CA10: variants seen among roughly 807,000 people sequenced by gnomAD.
CA10 encodes the protein carbonic anhydrase-related protein 10.
CA10 carries 14 observed loss-of-function variants against 44.2 expected under a neutral mutation model. The ratio of observed to expected loss-of-function variants is 0.32; its 90% CI spans 0.21 to 0.50. The LOEUF (loss-of-function observed/expected upper bound fraction) is 0.50, where lower values mean the gene tolerates loss of function less well. Among genes scored for constraint, CA10 ranks in the 20% least tolerant of loss-of-function variants. The probability of loss-of-function intolerance (pLI) is 0.99; values close to 1 mark genes in which losing one functional copy is unlikely to be tolerated. For missense variants in CA10, 350 were observed against 409.7 expected (o/e 0.85, Z 1.26); for synonymous variants, 159 against 141.6 (o/e 1.12, Z -0.87).
intron 2 of CA10, among the ~76,000 whole-genome samples, chr17:52,054,656 A>G (rs1246222104): frequency 6.6e-6 from 1 of 152,014 alleles, no homozygotes; most frequent in Non-Finnish European, 1.5e-5. Context: ...TCTCCCCCAG[A>G]CACCCAGCTT....
chr17:52,132,130 A>C (rs959276141), intron 1 of CA10, among the ~76,000 whole-genome samples: 12 of 152,096 alleles, frequency 7.9e-5, no homozygotes, highest in Non-Finnish European at 1.3e-4. Flanking sequence ...ACATGTATAC[A>C]TAGGGCACAT....
intron 3 of CA10, among the ~76,000 whole-genome samples, chr17:51,825,600 C>T (rs1907978127): frequency 6.6e-6 from 1 of 152,224 alleles, no homozygotes; most frequent in Non-Finnish European, 1.5e-5. Flanking sequence ...GAACCAGGAA[C>T]ACCAAACCTG....
intron 3 of CA10, among the ~76,000 whole-genome samples, chr17:51,867,538 T>A (rs537427047): frequency 6.6e-6 from 1 of 152,166 alleles, no homozygotes; most frequent in Admixed American, 6.5e-5. Flanking sequence ...CTCTAGGTGG[T>A]TGTGAGAATT....
intron 4 of CA10, among the ~76,000 whole-genome samples, chr17:51,663,444 T>C (rs9915063): frequency 0.64 from 97,529 of 151,766 alleles, 31,554 homozygotes; most frequent in Middle Eastern, 0.68. Context: ...AGCCTATTTC[T>C]TCCCCATGCT....
intron 1 of CA10, among the ~76,000 whole-genome samples, chr17:52,145,287 T>A (rs1989560462): frequency 6.6e-6 from 1 of 152,332 alleles, no homozygotes; most frequent in Non-Finnish European, 1.5e-5. Context: ...AAGTTTAGCA[T>A]GAACAGCAAA....
chr17:51,638,652 C>A (rs1912936742), intron 6 of CA10, among the ~76,000 whole-genome samples: 1 of 152,142 alleles, frequency 6.6e-6, no homozygotes, highest in Non-Finnish European at 1.5e-5. Context: ...AGGCACTAAG[C>A]CAGGTATAGA....
At chr17:51,669,294 G>A (rs1914323648) in intron 4 of CA10, among the ~76,000 whole-genome samples, 1 of 152,194 alleles carries the variant, frequency 6.6e-6, no homozygotes, top group Non-Finnish European at 1.5e-5. Context: ...TGGGGTTTGT[G>A]GATGCACCAA....
chr17:51,824,949 G>A (rs1036324887), intron 3 of CA10, among the ~76,000 whole-genome samples: 20 of 152,174 alleles, frequency 1.3e-4, no homozygotes, highest in African/African-American at 4.8e-4. Flanking sequence ...CCGCTGGTTC[G>A]GTTTGTTAGT....
intron 4 of CA10, among the ~76,000 whole-genome samples, chr17:51,741,225 G>A (rs1904449746): frequency 6.6e-6 from 1 of 152,204 alleles, no homozygotes; most frequent in Admixed American, 6.5e-5. Flanking sequence ...ACTAACTCAA[G>A]TCTGTGCCTT....
At chr17:52,065,094 T>C (rs1987497676) in intron 2 of CA10, among the ~76,000 whole-genome samples, 1 of 152,198 alleles carries the variant, frequency 6.6e-6, no homozygotes, top group South Asian at 2.1e-4. Flanking sequence ...ACAGTGACCT[T>C]TGTTCCATTT....
chr17:52,121,560 G>A (rs1245898786), intron 1 of CA10, among the ~76,000 whole-genome samples: 1 of 151,818 alleles, frequency 6.6e-6, no homozygotes, highest in East Asian at 1.9e-4. Context: ...TCATTAGAAA[G>A]AGACCTTCAT....
intron 1 of CA10, among the ~76,000 whole-genome samples, chr17:52,120,551 T>A (rs1441257078): frequency 6.6e-6 from 1 of 152,184 alleles, no homozygotes; most frequent in East Asian, 1.9e-4. Context: ...GTAGGGGGAA[T>A]GATAGATGCA....
intron 3 of CA10, among the ~76,000 whole-genome samples, chr17:51,880,975 C>T (rs888580476): frequency 6.6e-6 from 1 of 151,888 alleles, no homozygotes; most frequent in African/African-American, 2.4e-5. Flanking sequence ...GGGTGGCTCA[C>T]GCCTGTAATC....
intron 3 of CA10, among the ~76,000 whole-genome samples, chr17:51,894,379 G>A (rs1980984184): frequency 6.6e-6 from 1 of 151,944 alleles, no homozygotes; most frequent in Admixed American, 6.6e-5. Flanking sequence ...GTGGGCACTA[G>A]CATTAAAAAA....
chr17:51,859,027 G>A (rs1224614121), intron 3 of CA10, among the ~76,000 whole-genome samples: 1 of 152,008 alleles, frequency 6.6e-6, no homozygotes. Context: ...AAAGCATCTA[G>A]TAAGTGCCCA....
chr17:52,081,786 C>A (rs1391555559), intron 1 of CA10, among the ~76,000 whole-genome samples: 1 of 120,412 alleles, frequency 8.3e-6, no homozygotes, highest in East Asian at 2.4e-4. Context: ...GGCGACAGAG[C>A]GAGACTCCGT....
intron 3 of CA10, among the ~76,000 whole-genome samples, chr17:51,893,328 T>G (rs1177846842): frequency 6.6e-6 from 1 of 152,134 alleles, no homozygotes; most frequent in Non-Finnish European, 1.5e-5. Flanking sequence ...TCTTTCCAGA[T>G]GCAGAAACAT....
intron 4 of CA10, among the ~76,000 whole-genome samples, chr17:51,723,452 G>T (rs914144746): frequency 6.6e-6 from 1 of 152,164 alleles, no homozygotes; most frequent in Admixed American, 6.5e-5. Flanking sequence ...TGCTACTGGT[G>T]CCTGGGATTG....
intron 4 of CA10, among the ~76,000 whole-genome samples, chr17:51,704,265 A>C (rs1028037573): frequency 6.6e-6 from 1 of 152,098 alleles, no homozygotes; most frequent in Admixed American, 6.5e-5. Flanking sequence ...CCCACCAAAC[A>C]CTGGAGATTC....
Sources: gnomAD v4.1 joint callset for allele counts (sites outside exome capture counted in the v4.1 genomes callset) on GRCh38, gnomAD v4.1.1 for gene constraint, MANE v1.5 for transcripts, NCBI Gene and HGNC (gene_info 2026-07-23, HGNC 2026-07-21) for gene names.